The following MCPH1 variants were observed in gnomAD, a reference collection of about 807,000 sequenced individuals.
The protein encoded by MCPH1 is microcephalin.
A neutral mutation model predicts 84.5 loss-of-function variants in MCPH1; 104 were observed. That is an observed-to-expected ratio of 1.23 (90% confidence interval 1.05 to 1.45). The LOEUF (loss-of-function observed/expected upper bound fraction) is 1.45, where lower values mean the gene tolerates loss of function less well. Among genes scored for constraint, MCPH1 ranks in the 40% most tolerant of loss-of-function variants. The pLI, the probability that MCPH1 is intolerant of heterozygous loss-of-function variation, is 0.00. For missense variants in MCPH1, 1,498 were observed against 1,005.7 expected, an observed-to-expected ratio of 1.49 and a Z score of -6.62; for synonymous variants, 514 against 366.8, an observed-to-expected ratio of 1.40 and a Z score of -4.58.
intron 9 of MCPH1, chr8:6,474,158 T>G: frequency 1.3e-6 from 1 of 750,452 alleles, no homozygotes; most frequent in South Asian, 1.4e-5. Context: ...TTCTCTCATT[T>G]GGTTATCTAA....
chr8:6,643,283 G>A lies in MCPH1; in HGVS notation c.*234G>A, dbSNP rs1798051887. On this transcript the variant is annotated 3_prime_UTR_variant, in exon 14 of 14. Transcript: ENST00000344683. Reference sequence around the variant, plus strand: ...ATTTTTATTTTATTTTTTATTTTTTGAGACGGAGTCCTGCCCTGTTTCCCA... The same window carrying A: ...ATTTTTATTTTATTTTTTATTTTTTAAGACGGAGTCCTGCCCTGTTTCCCA... 1 of 534,140 alleles carries A rather than the reference G, an allele frequency of 1.9e-6. No homozygotes were observed. The highest frequency in any genetic ancestry group is 3.3e-6 in the Non-Finnish European group (1 of 300,102). 33.1% of individuals were successfully genotyped at this position (534,140 alleles called of 1,614,324 possible).
At chr8:6,524,792 A>G (rs1818020304) in intron 12 of MCPH1, among the ~76,000 whole-genome samples, 1 of 152,232 alleles carries the variant, frequency 6.6e-6, no homozygotes, top group Non-Finnish European at 1.5e-5. Context: ...AATAGAAGTT[A>G]TCACAGGGAA....
intron 12 of MCPH1, among the ~76,000 whole-genome samples, chr8:6,571,347 C>T (rs1220053827): frequency 6.6e-6 from 1 of 152,158 alleles, no homozygotes; most frequent in East Asian, 1.9e-4. Flanking sequence ...TTGACAAACA[C>T]CATATTTCAT....
At chr8:6,562,899 A>G (rs1018488550) in intron 12 of MCPH1, 2 of 1,605,958 alleles carry the variant, frequency 1.2e-6, no homozygotes, top group African/African-American at 1.3e-5. Flanking sequence ...CCAAGACAAG[A>G]TCACAGCTCA....
At chr8:6,580,884 A>T (rs1333004443) in intron 12 of MCPH1, among the ~76,000 whole-genome samples, 1 of 152,204 alleles carries the variant, frequency 6.6e-6, no homozygotes, top group Non-Finnish European at 1.5e-5. Context: ...ATAGTCAATG[A>T]TTATGGTCAG....
intron 3 of MCPH1, among the ~76,000 whole-genome samples, chr8:6,419,567 T>A (rs1206664716): frequency 1.3e-5 from 2 of 151,660 alleles, no homozygotes; most frequent in East Asian, 3.9e-4. Flanking sequence ...TAATTTTTTT[T>A]TTTTTTTTGT....
intron 2 of MCPH1, among the ~76,000 whole-genome samples, chr8:6,409,983 T>A (rs1415136701): frequency 6.6e-6 from 1 of 151,912 alleles, no homozygotes; most frequent in East Asian, 1.9e-4. Context: ...GTAATTTTTT[T>A]TTTTTGAGAC....
At chr8:6,616,310 G>A (rs568575661) in intron 12 of MCPH1, 1 of 152,308 alleles carries the variant, frequency 6.6e-6, no homozygotes, top group Non-Finnish European at 1.5e-5. Context: ...AACACCCTGG[G>A]CTGGAGTAAA....
Position 6,576,164 on chromosome 8 carries a change from G to T in MCPH1, c.2215-45290G>T, listed in dbSNP as rs2922847. Among the ~76,000 whole-genome samples the T allele has an allele frequency of 2.0e-5, 3 of 152,024 alleles. No individual in the cohort carries two copies. In the South Asian group the frequency reaches 6.2e-4, roughly 32 times the overall value. On this transcript the variant is annotated intron_variant, in intron 12 of 13. Coordinates refer to ENST00000344683, the MANE Select transcript of MCPH1 (RefSeq NM_024596.5). Reference sequence around the variant, plus strand: ...TCTCCTTCTTGTTCAACCTCAGGAGGGGGTGAAAAAAGTCCAGGCAGCTCC... The same window carrying T: ...TCTCCTTCTTGTTCAACCTCAGGAGTGGGTGAAAAAAGTCCAGGCAGCTCC...
chr8:6,642,133 G>A (rs892702830), intron 13 of MCPH1, among the ~76,000 whole-genome samples: 2 of 152,044 alleles, frequency 1.3e-5, no homozygotes, highest in Admixed American at 1.3e-4. Flanking sequence ...TCATCTGTGT[G>A]ACTTCTTAAG....
At chr8:6,457,688 G>A (rs1056721727) in intron 9 of MCPH1, among the ~76,000 whole-genome samples, 1 of 152,112 alleles carries the variant, frequency 6.6e-6, no homozygotes, top group Non-Finnish European at 1.5e-5. Context: ...GCGGCACCCC[G>A]TCCTTAACGT....
chr8:6,593,617 G>A (rs988971613), intron 12 of MCPH1, among the ~76,000 whole-genome samples: 3 of 152,198 alleles, frequency 2.0e-5, no homozygotes, highest in Admixed American at 6.5e-5. Flanking sequence ...GCCTCCCAAA[G>A]TGTTGGGATT....
In MCPH1 at chr8:6,444,743, G is replaced by T. The variant is rs745450970; in HGVS notation, c.1021G>T (p.Gly341Cys). The T allele has an allele frequency of 6.2e-7, 1 of 1,614,006 alleles. No individual in the cohort carries two copies. Among genetic ancestry groups the T allele is most frequent in the East Asian group, 2.2e-5 (1 of 44,868 alleles). ...GTCTCCTACCTTATCTTCAACAAAA[G>T]GCCACCTTTTGATACATTCAAGACC... is the stretch of plus-strand genomic sequence containing the variant. ...RLSPTLSSTK[G>C]HLLIHSRPRS... The change falls in exon 8 of 14, where the codon GGC becomes TGC. Residue 341 changes from glycine to cysteine, a missense_variant. Coordinates refer to ENST00000344683, the MANE Select transcript of MCPH1 (RefSeq NM_024596.5).
intron 13 of MCPH1, among the ~76,000 whole-genome samples, chr8:6,640,059 C>CAT (rs571514899): frequency 7.5e-6 from 1 of 134,196 alleles, no homozygotes; most frequent in South Asian, 2.6e-4. Flanking sequence ...ATTTTAAACT[C>CAT]GTGTGTGTGT....
rs6651430 is a variant in MCPH1 at position 6,436,337 on chromosome 8, A to C, written c.436+175A>C. On this transcript the variant is annotated intron_variant, in intron 5 of 13. Transcript: ENST00000344683. Reference sequence around the variant, plus strand: ...TGCGGGAGACTTGGCTGGGAGCCATAATAGAGCCACGCAGCTTGAGCTAAT... The same window carrying C: ...TGCGGGAGACTTGGCTGGGAGCCATCATAGAGCCACGCAGCTTGAGCTAAT... Among the ~76,000 whole-genome samples the C allele has an allele frequency of 9.2e-4, 140 of 152,368 alleles. 2 individuals carry two copies. The highest frequency in any genetic ancestry group is 3.3e-3 in the African/African-American group (136 of 41,596).
intron 11 of MCPH1, among the ~76,000 whole-genome samples, chr8:6,491,867 A>G (rs1346561072): frequency 6.6e-6 from 1 of 152,188 alleles, no homozygotes; most frequent in Non-Finnish European, 1.5e-5. Context: ...TTCTTAATCC[A>G]GTCTATCATT....
At chr8:6,427,863 G>A (rs1053557565) in intron 3 of MCPH1, among the ~76,000 whole-genome samples, 2 of 151,238 alleles carry the variant, frequency 1.3e-5, no homozygotes, top group Non-Finnish European at 2.9e-5. Context: ...CGTGATCTCG[G>A]CTCACTGCAA....
chr8:6,443,638 C>T (rs997965663), intron 7 of MCPH1, among the ~76,000 whole-genome samples: 2 of 152,154 alleles, frequency 1.3e-5, no homozygotes, highest in Admixed American at 6.5e-5. Context: ...CAGATGCCCA[C>T]GTAACCATGG....
At chr8:6,505,287 T>TATATAACA (rs554257480) in intron 12 of MCPH1, among the ~76,000 whole-genome samples, 6,061 of 89,370 alleles carry the variant, frequency 0.068, 906 homozygotes, top group African/African-American at 0.12. Context: ...CATATATATG[T>TATATAACA]TATATACATA....
Sources: gnomAD v4.1 joint callset for allele counts (sites outside exome capture counted in the v4.1 genomes callset) on GRCh38, gnomAD v4.1.1 for gene constraint, MANE v1.5 for transcripts, NCBI Gene and HGNC (gene_info 2026-07-23, HGNC 2026-07-21) for gene names.